PCDHGA8: variants seen among roughly 807,000 people sequenced by gnomAD.
The protein encoded by PCDHGA8 is protocadherin gamma subfamily A, 8.
Under a neutral mutation model 59.2 loss-of-function variants are expected in PCDHGA8, and 45 were observed. That is an observed-to-expected ratio of 0.76 (90% CI 0.60 to 0.98). The LOEUF (loss-of-function observed/expected upper bound fraction) is 0.98, where lower values mean the gene tolerates loss of function less well. Among genes scored for constraint, PCDHGA8 ranks in the 50% least tolerant of loss-of-function variants. The probability of loss-of-function intolerance (pLI) is 0.00; values close to 1 mark genes in which losing one functional copy is unlikely to be tolerated. For missense variants in PCDHGA8, 1,257 were observed against 1,196.2 expected, an observed-to-expected ratio of 1.05 and a Z score of -0.75; for synonymous variants, 531 against 519.0, an observed-to-expected ratio of 1.02 and a Z score of -0.32.
At chr5:141,429,361 A>G (rs2097205912) in intron 1 of PCDHGA8, among the ~76,000 whole-genome samples, 1 of 150,698 alleles carries the variant, frequency 6.6e-6, no homozygotes, top group East Asian at 1.9e-4. Context: ...AATGCATGAG[A>G]AAATGGAGAA....
In PCDHGA8 at chr5:141,393,615, G is replaced by A. The variant is rs1168568292; in HGVS notation, c.802G>A (p.Asp268Asn). 1 of 1,613,928 alleles carries A rather than the reference G, an allele frequency of 6.2e-7. No individual in the cohort carries two copies. The highest frequency in any genetic ancestry group is 1.1e-5 in the South Asian group (1 of 91,086). The change falls in exon 1 of 4, where the codon GAC becomes AAC. Residue 268 changes from aspartate to asparagine, a missense_variant. Asp to Asn is a conservative substitution (Grantham distance 23). Coordinates refer to ENST00000398604, the MANE Select transcript of PCDHGA8 (RefSeq NM_032088.2). ...GTRLLTVTAS[D>N]PDEGINGKVA... Reference sequence around the variant, plus strand: ...GCGGCTGCTTACTGTAACAGCCAGCGACCCGGATGAGGGAATCAACGGAAA... The same window carrying A: ...GCGGCTGCTTACTGTAACAGCCAGCAACCCGGATGAGGGAATCAACGGAAA...
At chr5:141,397,770 A>G (rs913843546) in intron 1 of PCDHGA8, among the ~76,000 whole-genome samples, 13 of 152,238 alleles carry the variant, frequency 8.5e-5, no homozygotes, top group African/African-American at 2.2e-4. Flanking sequence ...TTTATTAAGT[A>G]TATGGACGTA....
At chr5:141,510,296 G>A (rs999749575) in intron 3 of PCDHGA8, among the ~76,000 whole-genome samples, 6 of 149,608 alleles carry the variant, frequency 4.0e-5, no homozygotes, top group African/African-American at 1.5e-4. Flanking sequence ...AAAAAATGCT[G>A]TTTTGAAATG....
At chr5:141,420,228 G>C (rs750839002) in intron 1 of PCDHGA8, 3 of 1,603,310 alleles carry the variant, frequency 1.9e-6, no homozygotes, top group Non-Finnish European at 2.6e-6. Flanking sequence ...CTACTGGCTA[G>C]CATTTTAACT....
Position 141,432,949 on chromosome 5 carries a change from C to T in PCDHGA8, c.2424+37712C>T. 1.2e-6 allele frequency: 2 copies of T among 1,614,184 alleles called. No homozygotes were observed. Among genetic ancestry groups the T allele is most frequent in the Non-Finnish European group, 1.7e-6 (2 of 1,180,040 alleles). On this transcript the variant is annotated intron_variant, in intron 1 of 3. Coordinates refer to ENST00000398604, the MANE Select transcript of PCDHGA8 (RefSeq NM_032088.2). This position sits in a 1 kb window ranked among gnomAD's most constrained non-coding sequence, Gnocchi z 6.0. Reference sequence around the variant, plus strand: ...CACGCCTGCTGCAGGCTTCAGGAGGCGGCTTGACAGGAGCGCCGGCGTCGC... The same window carrying T: ...CACGCCTGCTGCAGGCTTCAGGAGGTGGCTTGACAGGAGCGCCGGCGTCGC...
At chr5:141,452,635 T>C (rs1426970634) in intron 1 of PCDHGA8, among the ~76,000 whole-genome samples, 1 of 152,086 alleles carries the variant, frequency 6.6e-6, no homozygotes, top group Non-Finnish European at 1.5e-5. Context: ...GCTATGAATA[T>C]ATTTACTCAT....
At chr5:141,492,237 C>G (rs2099738580) in intron 1 of PCDHGA8, among the ~76,000 whole-genome samples, 1 of 152,206 alleles carries the variant, frequency 6.6e-6, no homozygotes, top group Admixed American at 6.5e-5. Flanking sequence ...TCCCTGCTGG[C>G]CACCCCCACG....
Position 141,511,345 on chromosome 5 carries a change from TC to T in PCDHGA8, c.*179del, listed in dbSNP as rs535135679. On this transcript the variant is annotated 3_prime_UTR_variant, in exon 4 of 4. Coordinates refer to ENST00000398604, the MANE Select transcript of PCDHGA8 (RefSeq NM_032088.2). ...AAGTGCCCAGTCAGCACCTACCCCTTCCCCCCCAGGGGGTTGAATATGCAAA... is the reference window on the plus strand; with the variant it reads ...AAGTGCCCAGTCAGCACCTACCCCTTCCCCCCAGGGGGTTGAATATGCAAA... The T allele has an allele frequency of 2.2e-5, 31 of 1,410,342 alleles. No individual in the cohort carries two copies. Among genetic ancestry groups the T allele is most frequent in the South Asian group, 2.9e-5 (2 of 68,200 alleles). 87.4% of individuals were successfully genotyped at this position (1,410,342 alleles called of 1,614,324 possible). A position where few individuals can be genotyped will look rare whatever the true frequency, so the allele number is the denominator to read the frequency against.
chr5:141,440,444 C>G (rs2098178389), intron 1 of PCDHGA8: 1 of 152,038 alleles, frequency 6.6e-6, no homozygotes, highest in Admixed American at 6.6e-5. Context: ...AAGGCGCCAT[C>G]TCAAAAAAAA....
intron 1 of PCDHGA8, chr5:141,478,282 G>A: frequency 6.2e-7 from 1 of 1,614,184 alleles, no homozygotes; most frequent in Non-Finnish European, 8.5e-7. Flanking sequence ...AGTGGAAGCA[G>A]TCTAGAGACC....
At chr5:141,420,223 G>A in intron 1 of PCDHGA8, 2 of 1,604,640 alleles carry the variant, frequency 1.2e-6, no homozygotes, top group Non-Finnish European at 1.7e-6. Context: ...GCATGCTACT[G>A]GCTAGCATTT....
intron 1 of PCDHGA8, among the ~76,000 whole-genome samples, chr5:141,442,789 T>C (rs2098343347): frequency 6.6e-6 from 1 of 152,196 alleles, no homozygotes; most frequent in African/African-American, 2.4e-5. Flanking sequence ...ATTTTATAAT[T>C]TTACTTTGAT....
In PCDHGA8 at chr5:141,485,697, A is replaced by G. The variant is rs76923861; in HGVS notation, c.2425-9110A>G. 48,100 of 1,614,036 alleles carry G rather than the reference A, an allele frequency of 0.03. 1,433 individuals carry two copies. Among genetic ancestry groups the G allele is most frequent in the African/African-American group, 0.15 (11,542 of 75,006 alleles). The stretch of plus-strand genomic sequence containing the variant: ...ATTAGCAGCTATAGGCTGAGCTCCA[A>G]TGAACACTTTGCACTGGATGTGAAG... On this transcript the variant is annotated intron_variant, in intron 1 of 3. Transcript: ENST00000398604. The surrounding 1 kb of genome is among the most constrained non-coding windows in gnomAD (Gnocchi z 5.7).
intron 1 of PCDHGA8, chr5:141,416,686 T>C (rs1341005031): frequency 6.6e-6 from 1 of 152,244 alleles, no homozygotes; most frequent in African/African-American, 2.4e-5. Flanking sequence ...AGGGAAATTA[T>C]ATAAACAAAG....
intron 1 of PCDHGA8, among the ~76,000 whole-genome samples, chr5:141,458,298 A>G (rs2098942125): frequency 6.6e-6 from 1 of 152,178 alleles, no homozygotes; most frequent in African/African-American, 2.4e-5. Context: ...ATGCTGGTTT[A>G]GATAAAATGA....
chr5:141,401,211 G>A (rs1180713351), intron 1 of PCDHGA8, among the ~76,000 whole-genome samples: 5 of 151,994 alleles, frequency 3.3e-5, no homozygotes, highest in South Asian at 2.1e-4. Context: ...GTGTGGTGGC[G>A]GGCGCCTGTA....
intron 1 of PCDHGA8, chr5:141,413,189 G>T: frequency 1.2e-6 from 2 of 1,606,972 alleles, no homozygotes; most frequent in Middle Eastern, 1.7e-4. Flanking sequence ...GCCGCTCAAA[G>T]GAATCGCTCA....
At chr5:141,460,453 A>G (rs1487816393) in intron 1 of PCDHGA8, among the ~76,000 whole-genome samples, 1 of 152,152 alleles carries the variant, frequency 6.6e-6, no homozygotes, top group Non-Finnish European at 1.5e-5. Flanking sequence ...ATGAAGATTC[A>G]TATTTTTTTC....
At position 141,476,791 on chromosome 5, in the gene PCDHGA8, C is replaced by A. The variant is rs766227340; in HGVS notation, c.2425-18016C>A. 1 of 1,613,512 alleles carries A rather than the reference C, an allele frequency of 6.2e-7. No individual in the cohort carries two copies. Among genetic ancestry groups the A allele is most frequent in the Non-Finnish European group, 8.5e-7 (1 of 1,180,014 alleles). On this transcript the variant is annotated intron_variant, in intron 1 of 3. Transcript: ENST00000398604. This position sits in a 1 kb window ranked among gnomAD's most constrained non-coding sequence, Gnocchi z 7.6. ...TGGACGGAGGGACCCCAGCTCTCTC[C>A]GCCAGCCTGCCTATTCACATCAAGG...
Sources: gnomAD v4.1 joint callset for allele counts (sites outside exome capture counted in the v4.1 genomes callset) on GRCh38, gnomAD v4.1.1 for gene constraint, Gnocchi (gnomAD v3.1) non-coding constraint, MANE v1.5 for transcripts, NCBI Gene and HGNC (gene_info 2026-07-23, HGNC 2026-07-21) for gene names.